GPR137: variants seen among roughly 807,000 people sequenced by gnomAD.
GPR137 encodes G protein-coupled receptor 137.
In GPR137, 20 loss-of-function variants were observed where a neutral mutation model predicts 38.9. The ratio of observed to expected loss-of-function variants is 0.51; its 90% CI spans 0.36 to 0.75. The LOEUF is 0.75. Among genes scored for constraint, GPR137 ranks in the 30% least tolerant of loss-of-function variants. GPR137 has a pLI of 0.00. For missense variants in GPR137, 456 were observed against 526.4 expected, an observed-to-expected ratio of 0.87 and a Z score of 1.31; for synonymous variants, 226 against 235.8, an observed-to-expected ratio of 0.96 and a Z score of 0.38.
upstream of GPR137, chr11:64,284,283 TCCCCTGCGGGGCTGGGGCCCAGG>T (rs1300810900): frequency 6.2e-7 from 1 of 1,611,702 alleles, no homozygotes; most frequent in Non-Finnish European, 8.5e-7. Flanking sequence ...TGAGGGCCCG[TCCCCTGCGGGGCTGGGGCCCAGG>T]CCCCTCTCTG....
In GPR137 at chr11:64,286,031, T is replaced by C; in HGVS notation, c.-494T>C. The stretch of plus-strand genomic sequence containing the variant: ...TTACGAGGACAGGAGGCAGAGGCCC[T>C]CCCCATCCGCATTATTGGAGGAGAG... On this transcript the variant is annotated 5_prime_UTR_variant, in exon 1 of 7. Coordinates refer to ENST00000438980, the MANE Select transcript of GPR137 (RefSeq NM_001170880.2). The C allele has an allele frequency of 1.0e-6, 1 of 985,958 alleles. No individual in the cohort carries two copies. The highest frequency in any genetic ancestry group is 1.2e-6 in the Non-Finnish European group (1 of 830,206). 61.1% of individuals were successfully genotyped at this position (985,958 alleles called of 1,614,324 possible).
chr11:64,271,654 C>T, upstream of GPR137: 2 of 1,508,588 alleles, frequency 1.3e-6, no homozygotes, highest in Non-Finnish European at 8.9e-7. Context: ...CTCCGGAGCT[C>T]GCGGCCATAG....
chr11:64,274,992 C>CAAAAAAGAA (rs2032947214), upstream of GPR137, among the ~76,000 whole-genome samples: 1 of 54,406 alleles, frequency 1.8e-5, no homozygotes, highest in African/African-American at 9.2e-5. Flanking sequence ...GACTTTGTCT[C>CAAAAAAGAA]AAAAAAAAAA....
rs1321086562 is a variant in GPR137, at chr11:64,285,877, C to T, written c.-648C>T. 2 of 980,178 alleles carry T rather than the reference C, an allele frequency of 2.0e-6. No individual in the cohort carries two copies. Among genetic ancestry groups the T allele is most frequent in the South Asian group, 9.4e-5 (2 of 21,172 alleles). The allele number at this position is 980,178 out of a possible 1,614,324, so 60.7% of individuals were successfully genotyped here. ...CAGCGGGAGCCGGGGAGCCGGAGCC[C>T]CGGGTCCCCACGACCTGAGCCGGCT... is the stretch of plus-strand genomic sequence containing the variant. On this transcript the variant is annotated 5_prime_UTR_variant, in exon 1 of 7. Transcript: ENST00000438980.
At position 64,286,136 on chromosome 11, in the gene GPR137, T is replaced by G. The variant is rs1591197756; in HGVS notation, c.-389T>G. On this transcript the variant is annotated 5_prime_UTR_variant, in exon 1 of 7. Transcript: ENST00000438980. ...GCGGCCGCTGCCCTGACCCGACGGG[T>G]ATCAGCCGGCTCTCCCCCTCCACCC... 9.8e-7 allele frequency: 1 copy of G among 1,015,944 alleles called. No individual in the cohort carries two copies. The allele number at this position is 1,015,944 out of a possible 1,614,324, so 62.9% of individuals were successfully genotyped here.
At chr11:64,271,933 C>T, upstream of GPR137, 1 of 626,914 alleles carries the variant, frequency 1.6e-6, no homozygotes. Flanking sequence ...CACAGCCCAC[C>T]TCTCAGAGCC....
At position 64,288,481 on chromosome 11, in the gene GPR137, T is replaced by C; in HGVS notation, c.912+13T>C. 3 of 1,613,074 alleles carry C rather than the reference T, an allele frequency of 1.9e-6. No individual in the cohort carries two copies. Among genetic ancestry groups the C allele is most frequent in the South Asian group, 2.2e-5 (2 of 91,068 alleles). On this transcript the variant is annotated intron_variant, in intron 5 of 6. Transcript: ENST00000438980. This position sits in a 1 kb window ranked among gnomAD's most constrained non-coding sequence, Gnocchi z 5.5. ...CCCACAGGACCTGGTAAGGGTCTGC[T>C]CCCTCTTCTGTGGGGCCAGTGGAGG...
intron 2 of GPR137, chr11:64,277,006 G>A (rs1265584164): frequency 1.4e-6 from 1 of 720,242 alleles, no homozygotes. Context: ...GATTTTCAGA[G>A]TCCTCAGATT....
At chr11:64,284,583 G>C, upstream of GPR137, 1 of 1,495,018 alleles carries the variant, frequency 6.7e-7, no homozygotes, top group African/African-American at 1.4e-5. Context: ...CAGAACCCCG[G>C]TGGACCCAGG....
chr11:64,280,153 T>C (rs1485064429), upstream of GPR137, among the ~76,000 whole-genome samples: 3 of 150,696 alleles, frequency 2.0e-5, no homozygotes, highest in African/African-American at 4.9e-5. Context: ...CCATCTCTAC[T>C]AAAAACACAC....
chr11:64,284,655 G>A (rs937954688), upstream of GPR137: 12 of 1,533,862 alleles, frequency 7.8e-6, no homozygotes, highest in East Asian at 2.7e-4. Context: ...CGAGGCCCCT[G>A]ACCCGGGCCT....
upstream of GPR137, chr11:64,285,777 G>A: frequency 1.2e-5 from 12 of 985,318 alleles, no homozygotes; most frequent in Non-Finnish European, 1.3e-5. Context: ...GCTGGACTGC[G>A]GAGCCAGCCG....
upstream of GPR137, among the ~76,000 whole-genome samples, chr11:64,272,547 A>C (rs2032716629): frequency 6.6e-6 from 1 of 152,140 alleles, no homozygotes; most frequent in African/African-American, 2.4e-5. Context: ...CGCATCCCCC[A>C]CAGAGCCTTC....
chr11:64,270,628 C>T (rs929113755), exon 1 of GPR137: 9 of 647,568 alleles, frequency 1.4e-5, no homozygotes, highest in Non-Finnish European at 2.6e-5. Flanking sequence ...GAAGATGAGA[C>T]CGCAATTCGA....
chr11:64,289,100 T>C lies in GPR137; in HGVS notation c.1095T>C (p.Tyr365=). The C allele has an allele frequency of 1.2e-6, 2 of 1,612,472 alleles. No individual in the cohort carries two copies. Among genetic ancestry groups the C allele is most frequent in the South Asian group, 2.2e-5 (2 of 91,070 alleles). ...CCATCGGGCGTGAGCCGGGCTGGTA[T>C]GGGGGCAGCCAGACGAAGACCACTC... ...YGAIGREPGW[Y]GGSQTKTTPL... Residue 365 remains tyrosine, a synonymous_variant, in exon 7 of 7, where the codon TAT becomes TAC. Transcript: ENST00000438980.
chr11:64,285,370 C>G, upstream of GPR137: 1 of 985,000 alleles, frequency 1.0e-6, no homozygotes, highest in Non-Finnish European at 1.2e-6. Flanking sequence ...GCCTGGCAGG[C>G]GGCCGGCCAG....
chr11:64,281,760 C>T (rs1055139779), upstream of GPR137, among the ~76,000 whole-genome samples: 2 of 152,138 alleles, frequency 1.3e-5, no homozygotes, highest in South Asian at 2.1e-4. Flanking sequence ...CTCACTCTGT[C>T]GCCAGGCTGG....
chr11:64,288,571 GAGTA>G lies in GPR137; in HGVS notation c.913-27_913-24del, dbSNP rs747613462. 8.4e-5 allele frequency: 135 copies of G among 1,613,464 alleles called. 1 individual carries two copies. In the African/African-American group the frequency reaches 1.4e-3, roughly 17 times the overall value. ...GGCCTGGGAGGCCAGTGCAGGACAGGAGTAAGTATCGATGATGGCTTCCTCCCCC... is the reference window on the plus strand; with the variant it reads ...GGCCTGGGAGGCCAGTGCAGGACAGGAGTATCGATGATGGCTTCCTCCCCC... On this transcript the variant is annotated intron_variant, in intron 5 of 6. Transcript: ENST00000438980. The surrounding 1 kb of genome is among the most constrained non-coding windows in gnomAD (Gnocchi z 5.5).
chr11:64,285,632 G>T, upstream of GPR137: 1 of 985,124 alleles, frequency 1.0e-6, no homozygotes, highest in Non-Finnish European at 1.2e-6. Flanking sequence ...CACGGGGCAC[G>T]GCCCACCCGG....
Sources: gnomAD v4.1 joint callset for allele counts (sites outside exome capture counted in the v4.1 genomes callset) on GRCh38, gnomAD v4.1.1 for gene constraint, Gnocchi (gnomAD v3.1) non-coding constraint, MANE v1.5 for transcripts, NCBI Gene and HGNC (gene_info 2026-07-23, HGNC 2026-07-21) for gene names.